SAMD12: variants seen among roughly 807,000 people sequenced by gnomAD.
SAMD12 encodes the protein sterile alpha motif domain-containing protein 12.
SAMD12 carries 9 observed loss-of-function variants against 15.0 expected under a neutral mutation model. The observed-to-expected ratio is 0.60, with a 90% CI of 0.36 to 1.05. SAMD12 has a LOEUF of 1.05. Ranked by LOEUF, SAMD12 falls within the 50% of genes least tolerant of loss-of-function variation. SAMD12 has a pLI of 0.01. For missense variants in SAMD12, 230 were observed against 234.2 expected (o/e 0.98, Z 0.12); for synonymous variants, 86 against 90.1 (o/e 0.96, Z 0.25).
At position 118,621,917 on chromosome 8, in the gene SAMD12, G is replaced by T. The variant is rs958249271; in HGVS notation, c.-101C>A. On this transcript the variant is annotated 5_prime_UTR_variant, in exon 1 of 4. Transcript: ENST00000314727. Reference sequence around the variant, plus strand: ...TCTCGCTTTCGCCTAAATATTCTGCGCTTATCTGCTCCAGGACCAACCTGC... The same window carrying T: ...TCTCGCTTTCGCCTAAATATTCTGCTCTTATCTGCTCCAGGACCAACCTGC... The T allele has an allele frequency of 3.6e-6, 5 of 1,380,432 alleles. No homozygotes were observed. In the Admixed American group the frequency reaches 6.7e-5, roughly 19 times the overall value. 85.5% of individuals were successfully genotyped at this position (1,380,432 alleles called of 1,614,324 possible). A position where few individuals can be genotyped will look rare whatever the true frequency, so the allele number is the denominator to read the frequency against.
intron 4 of SAMD12, among the ~76,000 whole-genome samples, chr8:118,279,863 G>C (rs1277100229): frequency 6.6e-6 from 1 of 152,140 alleles, no homozygotes; most frequent in African/African-American, 2.4e-5. Flanking sequence ...TGGCCCAGTG[G>C]GATTCACTTT....
intron 2 of SAMD12, among the ~76,000 whole-genome samples, chr8:118,464,702 G>A (rs561487471): frequency 1.3e-4 from 19 of 151,876 alleles, no homozygotes; most frequent in Non-Finnish European, 2.4e-4. Flanking sequence ...CTAGTGGGCC[G>A]TCCCCTTTAA....
intron 2 of SAMD12, among the ~76,000 whole-genome samples, chr8:118,497,572 G>C (rs1161166416): frequency 1.3e-5 from 2 of 151,976 alleles, no homozygotes; most frequent in Non-Finnish European, 2.9e-5. Context: ...ACTTGACAGG[G>C]GAGTGTGGGA....
intron 3 of SAMD12, among the ~76,000 whole-genome samples, chr8:118,438,293 C>T (rs1822631444): frequency 6.6e-6 from 1 of 152,112 alleles, no homozygotes; most frequent in Non-Finnish European, 1.5e-5. Flanking sequence ...TGTTTGTTAA[C>T]TCAACTTGAG....
chr8:118,342,088 G>A (rs185867598), intron 4 of SAMD12, among the ~76,000 whole-genome samples: 56 of 152,206 alleles, frequency 3.7e-4, no homozygotes, highest in African/African-American at 1.3e-3. Flanking sequence ...TCAGGAGTTC[G>A]AGACCAGCCC....
intron 2 of SAMD12, among the ~76,000 whole-genome samples, chr8:118,554,512 A>G (rs1826460569): frequency 7.5e-6 from 1 of 133,742 alleles, no homozygotes; most frequent in African/African-American, 2.8e-5. Context: ...GAAGGGGAAC[A>G]TCACACTCTG....
chr8:118,296,508 C>T (rs1814722614), intron 4 of SAMD12, among the ~76,000 whole-genome samples: 1 of 152,172 alleles, frequency 6.6e-6, no homozygotes, highest in South Asian at 2.1e-4. Flanking sequence ...ATCTTTTTCT[C>T]CCACTGGATT....
At chr8:118,557,537 C>T (rs748292710) in intron 2 of SAMD12, among the ~76,000 whole-genome samples, 7 of 152,028 alleles carry the variant, frequency 4.6e-5, no homozygotes, top group Non-Finnish European at 8.8e-5. Flanking sequence ...ACCTCAACTA[C>T]GGTAGGTAGG....
Position 118,449,062 on chromosome 8 carries a change from C to CTT in SAMD12, c.193-9103_193-9102dup, listed in dbSNP as rs10717740. Among the ~76,000 whole-genome samples the CTT allele has an allele frequency of 5.0e-3, 629 of 126,790 alleles. 2 individuals carry two copies. The highest frequency in any genetic ancestry group is 0.017 in the African/African-American group (566 of 33,922). 83.2% of individuals were successfully genotyped at this position (126,790 alleles called of 152,430 possible). On this transcript the variant is annotated intron_variant, in intron 2 of 3. Transcript: ENST00000314727. ...GGGCAGCAGCATGGACACAGGCAGT[C>CTT]TTTTTTTTTTTTTTTTTTGAGATGG...
intron 4 of SAMD12, among the ~76,000 whole-genome samples, chr8:118,291,513 T>A (rs981676154): frequency 6.6e-6 from 1 of 152,140 alleles, no homozygotes; most frequent in African/African-American, 2.4e-5. Context: ...CCCCTTATGG[T>A]CTAATTATTC....
At chr8:118,164,605 G>A in the SAMD12 span, among the ~76,000 whole-genome samples, 3 of 152,144 alleles carry the variant, frequency 2.0e-5, no homozygotes, top group African/African-American at 7.2e-5. Context: ...TAGCAGAGAT[G>A]GATAATGATA....
At chr8:118,597,582 C>T (rs1229745956) in intron 1 of SAMD12, among the ~76,000 whole-genome samples, 1 of 152,234 alleles carries the variant, frequency 6.6e-6, no homozygotes, top group Non-Finnish European at 1.5e-5. Context: ...TCTCGCCCTG[C>T]AGGCAGCAGA....
chr8:118,578,202 T>C (rs1452555458), intron 2 of SAMD12, among the ~76,000 whole-genome samples: 4 of 152,182 alleles, frequency 2.6e-5, no homozygotes, highest in Admixed American at 2.6e-4. Context: ...CATAAATACA[T>C]ACAGGTCTTC....
At chr8:118,595,351 T>C (rs1827697260) in intron 1 of SAMD12, among the ~76,000 whole-genome samples, 1 of 152,146 alleles carries the variant, frequency 6.6e-6, no homozygotes, top group Admixed American at 6.5e-5. Context: ...GCTGATATAT[T>C]AAAAAACAAA....
intron 4 of SAMD12, chr8:118,284,941 CAAAAAAAAAAA>C (rs1278751968): frequency 1.7e-5 from 1 of 60,190 alleles, no homozygotes; most frequent in African/African-American, 6.2e-5. Flanking sequence ...GACTCCGTCT[CAAAAAAAAAAA>C]AAAAAAAAAA....
intron 2 of SAMD12, among the ~76,000 whole-genome samples, chr8:118,522,268 T>C (rs1563908083): frequency 2.0e-5 from 3 of 151,652 alleles, no homozygotes; most frequent in Non-Finnish European, 2.9e-5. Context: ...GCTAGAAGGA[T>C]CCAAGAGCAT....
intron 3 of SAMD12, among the ~76,000 whole-genome samples, chr8:118,438,867 A>G (rs148731752): frequency 6.6e-6 from 1 of 152,220 alleles, no homozygotes; most frequent in African/African-American, 2.4e-5. Context: ...ACTAGAAATG[A>G]CTTCTTAACA....
At chr8:118,275,116 T>C (rs372728305) in intron 4 of SAMD12, among the ~76,000 whole-genome samples, 36 of 152,320 alleles carry the variant, frequency 2.4e-4, no homozygotes, top group East Asian at 1.7e-3. Flanking sequence ...ACATACTTTA[T>C]CAGGTTAAGG....
chr8:118,548,390 C>CAT (rs1826194709), intron 2 of SAMD12, among the ~76,000 whole-genome samples: 1 of 59,078 alleles, frequency 1.7e-5, no homozygotes, highest in Non-Finnish European at 4.0e-5. Flanking sequence ...CACATACACA[C>CAT]ACACACACAC....
Sources: allele counts gnomAD v4.1 joint callset (sites outside exome capture counted in the v4.1 genomes callset), GRCh38; gene constraint gnomAD v4.1.1; transcripts MANE v1.5; gene names NCBI Gene and HGNC (gene_info 2026-07-23, HGNC 2026-07-21).